The following RGPD2 variants were observed in gnomAD, a reference collection of about 807,000 sequenced individuals.
The protein encoded by RGPD2 is RANBP2-like and GRIP domain-containing protein 2.
Under a neutral mutation model 36.0 loss-of-function variants are expected in RGPD2, and 2 were observed. That is an observed-to-expected ratio of 0.06 (90% CI 0.02 to 0.17). RGPD2 has a LOEUF of 0.17. Ranked by LOEUF, RGPD2 falls within the 10% of genes least tolerant of loss-of-function variation. The pLI is 1.00. For missense variants in RGPD2, 40 were observed against 464.3 expected (o/e 0.09, Z 8.40); for synonymous variants, 19 against 163.8 (o/e 0.12, Z 6.75).
the RGPD2 span, among the ~76,000 whole-genome samples, chr2:87,961,006 T>C: frequency 1.9e-4 from 26 of 134,998 alleles, no homozygotes; most frequent in Middle Eastern, 3.5e-3. Flanking sequence ...AGCCTCCTTA[T>C]TCAAGGACAG....
the RGPD2 span, among the ~76,000 whole-genome samples, chr2:87,988,541 A>ATATATATATATATATATATT: frequency 9.2e-5 from 5 of 54,150 alleles, no homozygotes; most frequent in East Asian, 1.5e-3. Flanking sequence ...ATATATATAT[A>ATATATATATATATATATATT]TTTTTTTTTT....
At chr2:87,831,940 ATT>A in the RGPD2 span, among the ~76,000 whole-genome samples, 1 of 144,290 alleles carries the variant, frequency 6.9e-6, no homozygotes, top group South Asian at 2.1e-4. Context: ...TTTTAATAAT[ATT>A]GTTAACACAG....
chr2:87,866,249 G>T, the RGPD2 span, among the ~76,000 whole-genome samples: 2 of 151,482 alleles, frequency 1.3e-5, no homozygotes, highest in South Asian at 2.1e-4. Context: ...TCACAGAGTC[G>T]TTTCTATATT....
chr2:87,913,554 A>G, the RGPD2 span, among the ~76,000 whole-genome samples: 1 of 150,694 alleles, frequency 6.6e-6, no homozygotes, highest in Non-Finnish European at 1.5e-5. Flanking sequence ...TAATAATAAA[A>G]AAATACATTT....
chr2:87,918,598 C>T, the RGPD2 span, among the ~76,000 whole-genome samples: 1 of 151,726 alleles, frequency 6.6e-6, no homozygotes, highest in South Asian at 2.1e-4. Context: ...CTGGATATTA[C>T]CTCTGAAATG....
the RGPD2 span, chr2:87,989,553 T>G: frequency 1.2e-5 from 5 of 416,794 alleles, no homozygotes; most frequent in Non-Finnish European, 1.2e-5. Context: ...TAGTAAAAAG[T>G]AAAATAGTGC....
chr2:87,825,506 G>A (rs1305577567), intron 1 of RGPD2, among the ~76,000 whole-genome samples, 152 bp downstream of exon 1: 3 of 58,610 alleles, frequency 5.1e-5, no homozygotes, highest in Admixed American at 3.1e-4. Flanking sequence ...CCGAGGCCGA[G>A]GCCGAGGCCG....
the RGPD2 span, among the ~76,000 whole-genome samples, chr2:87,871,571 A>T: frequency 6.7e-6 from 1 of 149,780 alleles, no homozygotes; most frequent in East Asian, 2.0e-4. Context: ...GTGAGAGTAA[A>T]AAATAGATTC....
the RGPD2 span, among the ~76,000 whole-genome samples, chr2:87,936,351 G>T: frequency 2.5e-3 from 371 of 149,624 alleles, 1 homozygote; most frequent in Non-Finnish European, 4.2e-3. Flanking sequence ...ACTTTAAGAG[G>T]TAATCATGGT....
At chr2:87,887,488 G>A in the RGPD2 span, among the ~76,000 whole-genome samples, 1 of 151,870 alleles carries the variant, frequency 6.6e-6, no homozygotes, top group Admixed American at 6.6e-5. Flanking sequence ...ATTCTCTTAG[G>A]TACTACATAG....
intron 1 of RGPD2, among the ~76,000 whole-genome samples, chr2:87,824,045 CAG>C (rs1270553660): frequency 8.0e-6 from 1 of 124,748 alleles, no homozygotes; most frequent in Non-Finnish European, 1.7e-5. Context: ...TTTTTGGAGA[CAG>C]AGTCTCGCTC....
At chr2:87,951,406 A>G in the RGPD2 span, among the ~76,000 whole-genome samples, 1 of 152,050 alleles carries the variant, frequency 6.6e-6, no homozygotes, top group Non-Finnish European at 1.5e-5. Context: ...CACTATGTAG[A>G]CAGAGAGAAC....
chr2:87,854,677 T>C, the RGPD2 span, among the ~76,000 whole-genome samples: 1 of 152,220 alleles, frequency 6.6e-6, no homozygotes, highest in African/African-American at 2.4e-5. Flanking sequence ...AATATGCATT[T>C]AAGATTGTTC....
chr2:87,866,867 A>G, the RGPD2 span, among the ~76,000 whole-genome samples: 27,952 of 138,680 alleles, frequency 0.2, no homozygotes, highest in African/African-American at 0.33. Context: ...GTGCCCATAG[A>G]GTCTTTCCTC....
the RGPD2 span, among the ~76,000 whole-genome samples, chr2:87,865,469 A>T: frequency 2.0e-5 from 3 of 152,270 alleles, no homozygotes; most frequent in Non-Finnish European, 4.4e-5. Context: ...CTACAGTGTG[A>T]CTGAGTCTAG....
At chr2:87,864,544 T>A in the RGPD2 span, among the ~76,000 whole-genome samples, 1 of 152,242 alleles carries the variant, frequency 6.6e-6, no homozygotes, top group South Asian at 2.1e-4. Context: ...CAATTCCTTA[T>A]AACAAATCTT....
chr2:87,769,837 T>A (rs1206471274), intron 22 of RGPD2, among the ~76,000 whole-genome samples: 2 of 151,926 alleles, frequency 1.3e-5, no homozygotes, highest in African/African-American at 4.8e-5. Context: ...TCTTCTTTTT[T>A]ATAACTATAA....
chr2:87,836,523 C>T, the RGPD2 span, among the ~76,000 whole-genome samples: 30 of 151,002 alleles, frequency 2.0e-4, no homozygotes, highest in Non-Finnish European at 3.7e-4. Flanking sequence ...GTGAAGGAAA[C>T]ATTAAATATT....
chr2:87,974,037 G>A, the RGPD2 span, among the ~76,000 whole-genome samples: 1 of 151,912 alleles, frequency 6.6e-6, no homozygotes, highest in Non-Finnish European at 1.5e-5. Flanking sequence ...CAACTCCGGG[G>A]GCATCAATGC....
Sources: gnomAD v4.1 joint callset for allele counts (sites outside exome capture counted in the v4.1 genomes callset) on GRCh38, gnomAD v4.1.1 for gene constraint, MANE v1.5 for transcripts, NCBI Gene and HGNC (gene_info 2026-07-23, HGNC 2026-07-21) for gene names.